Variants in SPACA1 observed in about 807,000 individuals in gnomAD.
The protein encoded by SPACA1 is sperm acrosome associated 1.
A neutral mutation model predicts 32.6 loss-of-function variants in SPACA1; 17 were observed. The ratio of observed to expected loss-of-function variants is 0.52; its 90% confidence interval spans 0.36 to 0.78. The LOEUF (loss-of-function observed/expected upper bound fraction) is 0.78. Among genes scored for constraint, SPACA1 ranks in the 30% least tolerant of loss-of-function variants. The pLI is 0.01. For missense variants in SPACA1, 363 were observed against 373.4 expected, an observed-to-expected ratio of 0.97 and a Z score of 0.23; for synonymous variants, 140 against 138.1, an observed-to-expected ratio of 1.01 and a Z score of -0.10.
chr6:88,051,320 G>A (rs993399909), intron 1 of SPACA1, among the ~76,000 whole-genome samples: 1 of 152,108 alleles, frequency 6.6e-6, no homozygotes, highest in Non-Finnish European at 1.5e-5. Flanking sequence ...TATACAATGG[G>A]TTTTATCCTA....
At chr6:88,053,007 AAAC>A (rs1775753672) in intron 1 of SPACA1, among the ~76,000 whole-genome samples, 2 of 152,236 alleles carry the variant, frequency 1.3e-5, no homozygotes, top group Non-Finnish European at 2.9e-5. Context: ...TTGTAGTACT[AAAC>A]AATTTATAGA....
At chr6:88,059,393 T>TG (rs570946743) in intron 4 of SPACA1, 60 bp from the exon 5 acceptor site, 834 of 1,413,836 alleles carry the variant, frequency 5.9e-4, no homozygotes, top group Non-Finnish European at 7.3e-4. Context: ...AAATAAATTG[T>TG]TTCCTGGTAA....
intron 5 of SPACA1, among the ~76,000 whole-genome samples, chr6:88,061,729 C>T (rs1775900444): frequency 6.6e-6 from 1 of 151,762 alleles, no homozygotes; most frequent in African/African-American, 2.4e-5. Context: ...CTGTTGTTTT[C>T]GTCACCCAGT....
At position 88,066,225 on chromosome 6, in the gene SPACA1, G is replaced by A; in HGVS notation, c.775G>A (p.Glu259Lys). ...AFWGAKASTP[E>K]VQSEQSSVRY... ...CTGGGGGGCAAAAGCCTCTACACCT[G>A]AGGTACAATCCGAGCAGAGTTCTGT... Residue 259 changes from glutamate to lysine, a missense_variant, in exon 7 of 7, where the codon GAG becomes AAG. Coordinates refer to ENST00000237201, the MANE Select transcript of SPACA1 (RefSeq NM_030960.3). The A allele has an allele frequency of 6.2e-7, 1 of 1,611,096 alleles. No individual in the cohort carries two copies. Among genetic ancestry groups the A allele is most frequent in the South Asian group, 1.1e-5 (1 of 90,568 alleles).
chr6:88,048,957 T>G (rs910027574), intron 1 of SPACA1, among the ~76,000 whole-genome samples: 1 of 152,232 alleles, frequency 6.6e-6, no homozygotes, highest in Non-Finnish European at 1.5e-5. Context: ...TTTAATATTG[T>G]TTGCATTCTC....
intron 2 of SPACA1, among the ~76,000 whole-genome samples, chr6:88,054,472 T>A (rs1163783667): frequency 2.2e-4 from 33 of 152,230 alleles, no homozygotes; most frequent in Admixed American, 2.2e-3. Flanking sequence ...ATTCAAAGAA[T>A]ATGACTTAGT....
intron 1 of SPACA1, 56 bp downstream of exon 1, chr6:88,048,169 G>A: frequency 2.7e-6 from 4 of 1,497,732 alleles, no homozygotes; most frequent in South Asian, 2.4e-5. Flanking sequence ...ACGGAGCAAA[G>A]GCCTGCTCTT....
chr6:88,054,145 A>C, intron 2 of SPACA1, 143 bp downstream of exon 2: 1 of 574,362 alleles, frequency 1.7e-6, no homozygotes, highest in Non-Finnish European at 3.0e-6. Context: ...TAATGTATAC[A>C]CAAAACTCAG....
intron 6 of SPACA1, among the ~76,000 whole-genome samples, chr6:88,065,439 T>TAC (rs1039953993): frequency 4.7e-5 from 7 of 148,112 alleles, no homozygotes; most frequent in African/African-American, 1.7e-4. Context: ...ATAATATATA[T>TAC]ACCATATATA....
intron 2 of SPACA1, among the ~76,000 whole-genome samples, chr6:88,054,315 C>T (rs1775775413): frequency 2.0e-5 from 3 of 151,440 alleles, no homozygotes; most frequent in Admixed American, 2.0e-4. Context: ...TTTTCCAATG[C>T]ATCTCACAGA....
At chr6:88,062,925 A>G (rs961304911) in intron 5 of SPACA1, among the ~76,000 whole-genome samples, 1 of 152,232 alleles carries the variant, frequency 6.6e-6, no homozygotes, top group African/African-American at 2.4e-5. Context: ...TAGGAAAGAA[A>G]TATAGGAGAC....
chr6:88,053,902 G>T, intron 1 of SPACA1, 44 bp from the exon 2 acceptor site: 1 of 1,560,270 alleles, frequency 6.4e-7, no homozygotes, highest in Non-Finnish European at 8.8e-7. Context: ...ACTTAGAAAA[G>T]TTTTCATATA....
At chr6:88,053,239 ATCT>A (rs1009040202) in intron 1 of SPACA1, among the ~76,000 whole-genome samples, 3 of 152,220 alleles carry the variant, frequency 2.0e-5, no homozygotes, top group Non-Finnish European at 4.4e-5. Flanking sequence ...TTTGAAAGTC[ATCT>A]TCTAACAACT....
intron 6 of SPACA1, among the ~76,000 whole-genome samples, 165 bp from the exon 7 acceptor site, chr6:88,066,017 T>TTGTATA (rs1404174513): frequency 6.6e-6 from 1 of 152,008 alleles, no homozygotes; most frequent in East Asian, 1.9e-4. Flanking sequence ...TTATATGTAT[T>TTGTATA]TGTATATGTA....
chr6:88,063,638 T>A (rs1311059146), intron 5 of SPACA1, among the ~76,000 whole-genome samples: 1 of 152,172 alleles, frequency 6.6e-6, no homozygotes, highest in Non-Finnish European at 1.5e-5. Flanking sequence ...CATATATGAG[T>A]TTGCCTTTGT....
chr6:88,052,914 A>G (rs1775750932), intron 1 of SPACA1, among the ~76,000 whole-genome samples: 1 of 152,232 alleles, frequency 6.6e-6, no homozygotes, highest in Non-Finnish European at 1.5e-5. Context: ...TTGAGATTTT[A>G]CAGTTATCAA....
intron 5 of SPACA1, among the ~76,000 whole-genome samples, chr6:88,061,295 G>A (rs1003100579): frequency 5.9e-5 from 9 of 152,162 alleles, no homozygotes; most frequent in Non-Finnish European, 1.3e-4. Context: ...GAAGTACTCA[G>A]AATGTGACTC....
chr6:88,053,034 CA>C (rs1271808513), intron 1 of SPACA1, among the ~76,000 whole-genome samples: 1 of 152,212 alleles, frequency 6.6e-6, no homozygotes, highest in Non-Finnish European at 1.5e-5. Context: ...CTTTCACACA[CA>C]TTATCCTTAT....
chr6:88,054,159 G>A (rs1775771998), intron 2 of SPACA1, among the ~76,000 whole-genome samples, 157 bp downstream of exon 2: 1 of 150,954 alleles, frequency 6.6e-6, no homozygotes, highest in South Asian at 2.1e-4. Context: ...AACTCAGGGT[G>A]ATTGCTTTAA....
Sources: allele counts gnomAD v4.1 joint callset (sites outside exome capture counted in the v4.1 genomes callset), GRCh38; gene constraint gnomAD v4.1.1; transcripts MANE v1.5; gene names NCBI Gene and HGNC (gene_info 2026-07-23, HGNC 2026-07-21).